Variants in GOLGA3 observed in about 807,000 individuals in gnomAD.
GOLGA3 encodes golgin subfamily A member 3.
A neutral mutation model predicts 169.4 loss-of-function variants in GOLGA3; 75 were observed. The ratio of observed to expected loss-of-function variants is 0.44; its 90% CI spans 0.37 to 0.54. GOLGA3 has a LOEUF of 0.54. Ranked by LOEUF, GOLGA3 falls within the 20% of genes least tolerant of loss-of-function variation. GOLGA3 has a pLI of 0.00. For missense variants in GOLGA3, 1,899 were observed against 1,930.0 expected, an observed-to-expected ratio of 0.98 and a Z score of 0.30; for synonymous variants, 824 against 822.4, an observed-to-expected ratio of 1.00 and a Z score of -0.03.
chr12:132,789,762 G>A (rs573755040), intron 12 of GOLGA3, among the ~76,000 whole-genome samples: 2 of 152,122 alleles, frequency 1.3e-5, no homozygotes, highest in African/African-American at 4.8e-5. Flanking sequence ...GGCCGGGCGC[G>A]GTGGCTCACA....
chr12:132,786,461 T>C lies in GOLGA3; in HGVS notation c.3001A>G (p.Asn1001Asp), dbSNP rs773742555. 6.2e-7 allele frequency: 1 copy of C among 1,613,674 alleles called. No homozygotes were observed. The highest frequency in any genetic ancestry group is 8.5e-7 in the Non-Finnish European group (1 of 1,179,880). ...EMKTKHKAYE[N>D]AVGILSRRLQ... is the part of the protein sequence containing the mutation. ...CGGCGGCTGAGGATGCCCACGGCGT[T>C]CTCGTAGGCCTTATGTTTGGTCTTC... The change falls in exon 15 of 24, where the codon AAC (asparagine) becomes GAC (aspartate). Residue 1001 changes from asparagine to aspartate, a missense_variant. Asn to Asp is a conservative substitution (Grantham distance 23). Transcript: ENST00000450791.
intron 2 of GOLGA3, among the ~76,000 whole-genome samples, chr12:132,821,224 T>C (rs1326603332): frequency 6.8e-6 from 1 of 147,452 alleles, no homozygotes; most frequent in Non-Finnish European, 1.5e-5. Context: ...CTGACCAACA[T>C]GGAGAAACCT....
chr12:132,786,870 A>T (rs1451501229), intron 13 of GOLGA3, 83 bp from the exon 14 acceptor site: 1 of 929,418 alleles, frequency 1.1e-6, no homozygotes. Context: ...CATCACCCCC[A>T]CCAAAGGCAC....
Position 132,789,224 on chromosome 12 carries a change from T to C in GOLGA3, c.2614A>G (p.Thr872Ala). The C allele has an allele frequency of 6.2e-7, 1 of 1,609,632 alleles. No individual in the cohort carries two copies. The highest frequency in any genetic ancestry group is 8.5e-7 in the Non-Finnish European group (1 of 1,179,970). Reference protein sequence around the residue: ...KDQLISELKATRKRLDSELKE... With the variant: ...KDQLISELKAARKRLDSELKE... ...AGCTCCGAGTCCAGCCTCTTCCTGG[T>C]GGCTTTCAGCTCACTGATGAGCTGG... The change falls in exon 13 of 24, where the codon ACC (threonine) becomes GCC (alanine). Residue 872 changes from threonine to alanine, a missense_variant. By Grantham distance (58) the Thr-to-Ala change is moderately conservative. Transcript: ENST00000450791.
Position 132,796,051 on chromosome 12 carries a change from A to G in GOLGA3, c.2270T>C (p.Leu757Pro). 6.2e-7 allele frequency: 1 copy of G among 1,612,628 alleles called. No homozygotes were observed. Among genetic ancestry groups the G allele is most frequent in the Non-Finnish European group, 8.5e-7 (1 of 1,179,970 alleles). ...CTCCCTGGAGGCGGCCTCGCCCTGC[A>G]GCTCCCCCAGCCTGGCCTGCAGCTC... ...YDELQARLGE[L>P]QGEAASREDT... The change falls in exon 11 of 24, where the codon CTG becomes CCG. Residue 757 changes from leucine to proline, a missense_variant. Coordinates refer to ENST00000450791, the MANE Select transcript of GOLGA3 (RefSeq NM_001389683.1).
Position 132,808,264 on chromosome 12 carries a change from T to G in GOLGA3, c.805A>C (p.Thr269Pro), listed in dbSNP as rs1373003667. 5 of 1,613,958 alleles carry G rather than the reference T, an allele frequency of 3.1e-6. No individual in the cohort carries two copies. Among genetic ancestry groups the G allele is most frequent in the African/African-American group, 1.3e-5 (1 of 74,900 alleles). Residue 269 changes from threonine to proline, a missense_variant, in exon 5 of 24, where the codon ACC (threonine) becomes CCC (proline). Transcript: ENST00000450791. ...SGGNVPAPDSTKGSLKQNRSS... is the reference protein window; with the variant it reads ...SGGNVPAPDSPKGSLKQNRSS... The stretch of plus-strand genomic sequence containing the variant: ...CTGTTCTGCTTCAGGGAACCCTTGG[T>G]AGAATCGGGAGCCGGGACATTTCCC...
chr12:132,783,682 G>A (rs2045741408), intron 16 of GOLGA3, among the ~76,000 whole-genome samples: 1 of 152,140 alleles, frequency 6.6e-6, no homozygotes, highest in Admixed American at 6.6e-5. Flanking sequence ...GGTTCAAGCG[G>A]TTTACCTGCC....
intron 6 of GOLGA3, among the ~76,000 whole-genome samples, chr12:132,805,952 G>C (rs1323243966): frequency 6.6e-6 from 1 of 152,220 alleles, no homozygotes; most frequent in East Asian, 1.9e-4. Context: ...GGCTGCCTAA[G>C]TGCGGCTCCA....
chr12:132,792,204 CCCT>C (rs1465207970), intron 11 of GOLGA3, among the ~76,000 whole-genome samples: 1 of 152,190 alleles, frequency 6.6e-6, no homozygotes, highest in Admixed American at 6.5e-5. Flanking sequence ...CCTGGGCTCT[CCCT>C]CCTCACCACT....
chr12:132,780,130 C>G (rs2045509067), intron 18 of GOLGA3, among the ~76,000 whole-genome samples: 1 of 103,200 alleles, frequency 9.7e-6, no homozygotes, highest in South Asian at 3.4e-4. Flanking sequence ...TGCACACACC[C>G]CAGGCACACG....
At chr12:132,789,388 T>A in intron 12 of GOLGA3, 98 bp from the exon 13 acceptor site, 1 of 1,023,588 alleles carries the variant, frequency 9.8e-7, no homozygotes, top group South Asian at 1.6e-5. Context: ...TTACCACTTA[T>A]CGGGGGCATA....
chr12:132,822,521 T>A (rs899136992), intron 1 of GOLGA3, among the ~76,000 whole-genome samples: 12 of 152,246 alleles, frequency 7.9e-5, no homozygotes, highest in Non-Finnish European at 1.3e-4. Context: ...CTGAAGGAGC[T>A]TAATGTCTGT....
chr12:132,792,536 T>C (rs1476306152), intron 11 of GOLGA3, among the ~76,000 whole-genome samples: 1 of 152,094 alleles, frequency 6.6e-6, no homozygotes, highest in Non-Finnish European at 1.5e-5. Flanking sequence ...TTGTGAGAAA[T>C]GCAGAGCCTC....
At chr12:132,828,629 CCGAGGCCA>C (rs1950523170) in intron 1 of GOLGA3, 166 bp downstream of exon 1, 2 of 152,408 alleles carry the variant, frequency 1.3e-5, no homozygotes, top group South Asian at 4.0e-4. Flanking sequence ...GCGCCCAGGC[CCGAGGCCA>C]CCGCAGCGAG....
chr12:132,815,764 G>A (rs901922102), intron 3 of GOLGA3, among the ~76,000 whole-genome samples: 1 of 152,178 alleles, frequency 6.6e-6, no homozygotes, highest in African/African-American at 2.4e-5. Flanking sequence ...GCCAGGTGTG[G>A]TGACACGCAC....
Position 132,808,060 on chromosome 12 carries a change from CCACT to C in GOLGA3, c.1005_1008del (p.Val336AlafsTer130). On this transcript the variant is annotated frameshift_variant, in exon 5 of 24. Coordinates refer to ENST00000450791, the MANE Select transcript of GOLGA3 (RefSeq NM_001389683.1). LOFTEE classifies it high-confidence loss of function. ...ACCATATAGGGGGTGTCCTGCGTGC[CCACT>C]GTCTTCGACAGAATGCCATAGGTCC... The C allele has an allele frequency of 6.3e-7, 1 of 1,599,442 alleles. No homozygotes were observed. Among genetic ancestry groups the C allele is most frequent in the Non-Finnish European group, 8.5e-7 (1 of 1,171,570 alleles).
chr12:132,788,926 G>GCCCCAGACACAGGCCCCC, intron 13 of GOLGA3, 101 bp downstream of exon 13: 1 of 83,910 alleles, frequency 1.2e-5, no homozygotes, highest in Non-Finnish European at 2.2e-5. Flanking sequence ...GACAGACCCC[G>GCCCCAGACACAGGCCCCC]CCCCAGACAC....
At position 132,808,099 on chromosome 12, in the gene GOLGA3, A is replaced by T; in HGVS notation, c.970T>A (p.Ser324Thr). ...DSDSSSYSSASTRGTYGILSK... is the reference protein window; with the variant it reads ...DSDSSSYSSATTRGTYGILSK... ...AGAATGCCATAGGTCCCTCGGGTGG[A>T]GGCGCTGCTGTACGATGAGCTGTCG... The change falls in exon 5 of 24, where the codon TCC becomes ACC. Residue 324 changes from serine (S) to threonine (T), a missense_variant. By Grantham distance (58) the Ser-to-Thr change is moderately conservative. Coordinates refer to ENST00000450791, the MANE Select transcript of GOLGA3 (RefSeq NM_001389683.1). The T allele has an allele frequency of 6.3e-7, 1 of 1,597,950 alleles. No homozygotes were observed. The highest frequency in any genetic ancestry group is 1.1e-5 in the South Asian group (1 of 88,800).
In GOLGA3 at chr12:132,796,633, T is replaced by C. The variant is rs975978920; in HGVS notation, c.2006A>G (p.Asp669Gly). ...AAACTCTTCCAGCCTCCTCTGAAGG[T>C]CCTCCTCCACCATCGTCTTTGCCTC... ...IQEAKTMVEEDLQRRLEEFEG... is the reference protein window; with the variant it reads ...IQEAKTMVEEGLQRRLEEFEG... The change falls in exon 10 of 24, where the codon GAC (aspartate) becomes GGC (glycine). Residue 669 changes from aspartate (D) to glycine (G), a missense_variant. By Grantham distance (94) the Asp-to-Gly change is moderately conservative. Coordinates refer to ENST00000450791, the MANE Select transcript of GOLGA3 (RefSeq NM_001389683.1). The C allele has an allele frequency of 1.9e-6, 3 of 1,613,930 alleles. No homozygotes were observed. The African/African-American group carries it at 4.0e-5, about 22-fold the overall frequency.
Sources: allele counts gnomAD v4.1 joint callset (sites outside exome capture counted in the v4.1 genomes callset), GRCh38; gene constraint gnomAD v4.1.1; transcripts MANE v1.5; gene names NCBI Gene and HGNC (gene_info 2026-07-23, HGNC 2026-07-21).